Variants in VPS13B observed in about 807,000 individuals in gnomAD.
VPS13B encodes vacuolar protein sorting 13 homolog B.
In VPS13B, 285 loss-of-function variants were observed where a neutral mutation model predicts 426.4. The observed-to-expected ratio is 0.67, with a 90% CI of 0.61 to 0.74. The LOEUF (loss-of-function observed/expected upper bound fraction) is 0.74. Ranked by LOEUF, VPS13B falls within the 30% of genes least tolerant of loss-of-function variation. The pLI is 0.00. For missense variants in VPS13B, 4,537 were observed against 4,782.6 expected, an observed-to-expected ratio of 0.95 and a Z score of 1.51; for synonymous variants, 1,676 against 1,676.4, an observed-to-expected ratio of 1.00 and a Z score of 0.01.
chr8:99,130,592 G>A (rs924805806), intron 8 of VPS13B, among the ~76,000 whole-genome samples: 5 of 151,826 alleles, frequency 3.3e-5, no homozygotes, highest in African/African-American at 4.8e-5. Flanking sequence ...GGGTTTCACC[G>A]TGTTAGCCAG....
intron 3 of VPS13B, among the ~76,000 whole-genome samples, chr8:99,054,726 T>C (rs901745954): frequency 1.3e-5 from 2 of 152,222 alleles, no homozygotes; most frequent in African/African-American, 4.8e-5. Context: ...CATATTGAAT[T>C]AAATTTTGTA....
intron 16 of VPS13B, among the ~76,000 whole-genome samples, chr8:99,178,511 T>A (rs1362730987): frequency 6.6e-6 from 1 of 152,204 alleles, no homozygotes; most frequent in Non-Finnish European, 1.5e-5. Context: ...AGGTTAGGTA[T>A]CCTTATTTCT....
At chr8:99,620,110 A>G (rs530454844) in intron 33 of VPS13B, among the ~76,000 whole-genome samples, 1 of 152,270 alleles carries the variant, frequency 6.6e-6, no homozygotes, top group Non-Finnish European at 1.5e-5. Flanking sequence ...GAATGTAGGT[A>G]GGATGCTTAC....
At chr8:99,859,597 T>C (rs930141377) in intron 57 of VPS13B, 117 bp downstream of exon 57, 1 of 1,345,376 alleles carries the variant, frequency 7.4e-7, no homozygotes, top group Non-Finnish European at 1.0e-6. Context: ...TTTGGCCTTT[T>C]AGCTTGCAGT....
chr8:99,312,424 A>G (rs1821039548), intron 19 of VPS13B, among the ~76,000 whole-genome samples: 1 of 152,182 alleles, frequency 6.6e-6, no homozygotes, highest in East Asian at 1.9e-4. Context: ...TCCTTCACTT[A>G]TCAAGCTTAG....
chr8:99,052,777 A>G (rs1014081872), intron 3 of VPS13B, among the ~76,000 whole-genome samples: 11 of 152,152 alleles, frequency 7.2e-5, no homozygotes, highest in East Asian at 3.9e-4. Flanking sequence ...TATGTGTCGA[A>G]GAATTTATCC....
chr8:99,800,728 A>G (rs1168625465), intron 43 of VPS13B, among the ~76,000 whole-genome samples: 1 of 152,144 alleles, frequency 6.6e-6, no homozygotes, highest in Admixed American at 6.6e-5. Context: ...GTTATTTTAC[A>G]TATGTAAACT....
intron 23 of VPS13B, among the ~76,000 whole-genome samples, chr8:99,446,222 T>C (rs990211466): frequency 9.2e-5 from 14 of 152,218 alleles, no homozygotes; most frequent in African/African-American, 3.1e-4. Flanking sequence ...AAACTCTCAA[T>C]TTTGTTTCTT....
chr8:99,295,422 A>G (rs1819979510), intron 19 of VPS13B, among the ~76,000 whole-genome samples: 1 of 152,238 alleles, frequency 6.6e-6, no homozygotes, highest in Non-Finnish European at 1.5e-5. Flanking sequence ...TAAAAGCTAC[A>G]GAACATATAT....
chr8:99,057,244 AATATTTATACCTCATGG>A lies in VPS13B; in HGVS notation c.291+18681_291+18697del, dbSNP rs1290880350. Reference sequence around the variant, plus strand: ...TCTACCCTTTTTAAACTTATAAGTTAATATTTATACCTCATGGATTCTGCCTCCATGATGCCGTTGTA... The same window carrying A: ...TCTACCCTTTTTAAACTTATAAGTTAATTCTGCCTCCATGATGCCGTTGTA... On this transcript the variant is annotated intron_variant, in intron 3 of 61. Coordinates refer to ENST00000357162, the MANE Select transcript of VPS13B (RefSeq NM_152564.5). Among the ~76,000 whole-genome samples, 21 of 152,104 alleles carry A rather than the reference AATATTTATACCTCATGG, an allele frequency of 1.4e-4. No homozygotes were observed. In the East Asian group the frequency reaches 4.1e-3, roughly 29 times the overall value.
At chr8:99,068,601 A>G (rs1844678401) in intron 3 of VPS13B, among the ~76,000 whole-genome samples, 1 of 152,196 alleles carries the variant, frequency 6.6e-6, no homozygotes, top group Admixed American at 6.5e-5. Context: ...GGTAATTTAT[A>G]AAGAAAAGGT....
intron 39 of VPS13B, among the ~76,000 whole-genome samples, chr8:99,742,562 T>C (rs1809801643): frequency 6.6e-6 from 1 of 152,162 alleles, no homozygotes; most frequent in African/African-American, 2.4e-5. Flanking sequence ...TGAACATTGA[T>C]GCAAAAATCC....
chr8:99,205,825 G>T (rs532151738), intron 17 of VPS13B, among the ~76,000 whole-genome samples: 3 of 152,164 alleles, frequency 2.0e-5, no homozygotes, highest in Admixed American at 1.3e-4. Flanking sequence ...TTGAAGCCAG[G>T]CCTTTGGAAT....
intron 58 of VPS13B, among the ~76,000 whole-genome samples, chr8:99,866,856 C>T (rs780946107): frequency 6.6e-6 from 1 of 152,210 alleles, no homozygotes; most frequent in Non-Finnish European, 1.5e-5. Context: ...CCCAGCTGAG[C>T]GCCAGGCCTG....
chr8:99,235,696 C>T (rs1294435851), intron 17 of VPS13B, among the ~76,000 whole-genome samples: 12 of 152,056 alleles, frequency 7.9e-5, no homozygotes, highest in Non-Finnish European at 1.5e-5. Context: ...TTAAGTGATG[C>T]GTTACATTAA....
At chr8:99,579,716 T>TC (rs397973153) in intron 33 of VPS13B, among the ~76,000 whole-genome samples, 2 of 148,876 alleles carry the variant, frequency 1.3e-5, no homozygotes, top group East Asian at 2.0e-4. Context: ...TTTCTTTCTT[T>TC]TTTTTTTAAC....
intron 39 of VPS13B, among the ~76,000 whole-genome samples, chr8:99,734,011 C>T (rs757141134): frequency 1.3e-5 from 2 of 152,182 alleles, no homozygotes; most frequent in African/African-American, 2.4e-5. Flanking sequence ...GACTCTTTAG[C>T]TTTCACCTTC....
chr8:99,317,549 A>G (rs1367910299), intron 19 of VPS13B, among the ~76,000 whole-genome samples: 3 of 152,094 alleles, frequency 2.0e-5, no homozygotes, highest in Non-Finnish European at 4.4e-5. Context: ...CATAAAATTC[A>G]TTTTATTTTT....
At chr8:99,075,139 C>T (rs753683911) in intron 3 of VPS13B, among the ~76,000 whole-genome samples, 1 of 152,132 alleles carries the variant, frequency 6.6e-6, no homozygotes, top group African/African-American at 2.4e-5. Flanking sequence ...TTTTACTACT[C>T]ATTGAATCTT....
Sources: gnomAD v4.1 joint callset for allele counts (sites outside exome capture counted in the v4.1 genomes callset) on GRCh38, gnomAD v4.1.1 for gene constraint, MANE v1.5 for transcripts, NCBI Gene and HGNC (gene_info 2026-07-23, HGNC 2026-07-21) for gene names.